The following TXNL1 variants were observed in gnomAD, a reference collection of about 807,000 sequenced individuals.
The protein encoded by TXNL1 is thioredoxin-like protein 1.
In TXNL1, 14 loss-of-function variants were observed where a neutral mutation model predicts 35.5. That is an observed-to-expected ratio of 0.39 (90% CI 0.26 to 0.62). The LOEUF is 0.62. TXNL1 is among the 20% of genes least tolerant of loss of function. The pLI is 0.47. For missense variants in TXNL1, 263 were observed against 349.7 expected (o/e 0.75, Z 1.98); for synonymous variants, 110 against 115.5 (o/e 0.95, Z 0.31).
chr18:56,634,229 A>G (rs535149458), intron 1 of TXNL1, among the ~76,000 whole-genome samples: 1 of 152,322 alleles, frequency 6.6e-6, no homozygotes, highest in Admixed American at 6.5e-5. Context: ...AAATTATTTA[A>G]GGAAAGGCAT....
rs1453544566 is a variant in TXNL1, at chr18:56,598,738, T to C, written c.*4289A>G. On this transcript the variant is annotated 3_prime_UTR_variant, in exon 8 of 8. Transcript: ENST00000217515. Reference sequence around the variant, plus strand: ...GAGAGCAGGATACAGAAGATACTTATCCTTGTTCCAGATACAAAGTAAGGC... The same window carrying C: ...GAGAGCAGGATACAGAAGATACTTACCCTTGTTCCAGATACAAAGTAAGGC... 6.6e-6 allele frequency: 1 copy of C among 152,194 alleles called. No homozygotes were observed. Among genetic ancestry groups the C allele is most frequent in the East Asian group, 1.9e-4 (1 of 5,198 alleles). The allele number at this position is 152,194 out of a possible 1,614,324, so 9.4% of individuals were successfully genotyped here. A position where few individuals can be genotyped will look rare whatever the true frequency, so the allele number is the denominator to read the frequency against.
At chr18:56,618,170 G>T (rs1207825423) in intron 3 of TXNL1, 44 bp from the exon 4 acceptor site, 1 of 1,570,848 alleles carries the variant, frequency 6.4e-7, no homozygotes, top group African/African-American at 1.4e-5. Flanking sequence ...TTTGGATTAG[G>T]TATAAAAATG....
chr18:56,627,896 A>G (rs531214193), intron 1 of TXNL1, among the ~76,000 whole-genome samples: 2 of 152,084 alleles, frequency 1.3e-5, no homozygotes, highest in South Asian at 4.1e-4. Flanking sequence ...ACTATATTTG[A>G]TAAACTGGAA....
intron 1 of TXNL1, among the ~76,000 whole-genome samples, chr18:56,635,130 T>C (rs2024436470): frequency 6.6e-6 from 1 of 152,022 alleles, no homozygotes; most frequent in African/African-American, 2.4e-5. Context: ...TGGTGGTATG[T>C]GTCTGTAGTC....
intron 3 of TXNL1, among the ~76,000 whole-genome samples, chr18:56,622,140 T>C (rs1219947922): frequency 6.6e-6 from 1 of 152,004 alleles, no homozygotes; most frequent in African/African-American, 2.4e-5. Context: ...AAATATTAAG[T>C]TCCTCAGTTG....
intron 6 of TXNL1, among the ~76,000 whole-genome samples, chr18:56,612,551 C>G (rs1040913311): frequency 3.3e-5 from 5 of 152,044 alleles, no homozygotes; most frequent in African/African-American, 4.8e-5. Flanking sequence ...GCACCTATCT[C>G]TTTTTTGAGA....
At chr18:56,616,131 C>CAAAA in intron 5 of TXNL1, 114 bp downstream of exon 5, 7 of 688,628 alleles carry the variant, frequency 1.0e-5, no homozygotes, top group South Asian at 2.1e-5. Context: ...GACTCTGTCT[C>CAAAA]AAAAAAAAAA....
intron 3 of TXNL1, among the ~76,000 whole-genome samples, chr18:56,618,612 C>T (rs1000518408): frequency 1.3e-5 from 2 of 151,664 alleles, no homozygotes; most frequent in South Asian, 4.2e-4. Flanking sequence ...CCTCCAGCTA[C>T]AATAATCATC....
At position 56,626,458 on chromosome 18, in the gene TXNL1, C is replaced by T; in HGVS notation, c.99-1G>A. 6.2e-7 allele frequency: 1 copy of T among 1,601,044 alleles called. No homozygotes were observed. The highest frequency in any genetic ancestry group is 1.1e-5 in the South Asian group (1 of 89,006). ...GGCAATCCTCAAACATGGCCCACACCTGTTAGAAAAGGAAAATTAAGTAAA... is the reference window on the plus strand; with the variant it reads ...GGCAATCCTCAAACATGGCCCACACTTGTTAGAAAAGGAAAATTAAGTAAA... On this transcript the variant is annotated splice_acceptor_variant, in intron 1 of 7. Transcript: ENST00000217515. LOFTEE classifies it high-confidence loss of function.
chr18:56,603,394 ATAGT>A (rs996935959), intron 7 of TXNL1, among the ~76,000 whole-genome samples: 1 of 151,994 alleles, frequency 6.6e-6, no homozygotes, highest in Non-Finnish European at 1.5e-5. Flanking sequence ...CTATTTTTAG[ATAGT>A]TAGAAATCAA....
At chr18:56,628,026 G>A (rs1029373483) in intron 1 of TXNL1, among the ~76,000 whole-genome samples, 3 of 152,096 alleles carry the variant, frequency 2.0e-5, no homozygotes, top group African/African-American at 7.2e-5. Context: ...AAAACAAGGA[G>A]AAGACTGAAA....
At position 56,624,429 on chromosome 18, in the gene TXNL1, T is replaced by C. The variant is rs920985697; in HGVS notation, c.228A>G (p.Thr76=). The C allele has an allele frequency of 9.9e-6, 16 of 1,613,612 alleles. No individual in the cohort carries two copies. Among genetic ancestry groups the C allele is most frequent in the Non-Finnish European group, 1.4e-5 (16 of 1,179,676 alleles). Residue 76 remains threonine, a synonymous_variant, in exon 3 of 8, where the codon ACA becomes ACG. Transcript: ENST00000217515. ...TGTTTCGAAAAAACAAAAATGTAGG[T>C]GTTGCTGATATATTGTTGGTGGCAG... is the stretch of plus-strand genomic sequence containing the variant. ...GTAATNNISA[T]PTFLFFRNKV...
At chr18:56,605,679 C>A (rs536317551) in intron 7 of TXNL1, among the ~76,000 whole-genome samples, 1 of 152,218 alleles carries the variant, frequency 6.6e-6, no homozygotes, top group South Asian at 2.1e-4. Flanking sequence ...CCATTGACAA[C>A]AACAAACAGC....
At position 56,599,987 on chromosome 18, in the gene TXNL1, A is replaced by C. The variant is rs895652147; in HGVS notation, c.*3040T>G. ...ATTGAACTATATGAGTATCAATACA[A>C]GCAACATGAGTAAGCCTTAAATTTC... On this transcript the variant is annotated 3_prime_UTR_variant, in exon 8 of 8. Transcript: ENST00000217515. The C allele has an allele frequency of 2.0e-5, 3 of 152,248 alleles. No individual in the cohort carries two copies. Among genetic ancestry groups the C allele is most frequent in the African/African-American group, 7.2e-5 (3 of 41,460 alleles). 9.4% of individuals were successfully genotyped at this position (152,248 alleles called of 1,614,324 possible). A position where few individuals can be genotyped will look rare whatever the true frequency, so the allele number is the denominator to read the frequency against.
At chr18:56,638,198 A>G (rs2024487684) in intron 1 of TXNL1, 145 bp downstream of exon 1, 1 of 785,298 alleles carries the variant, frequency 1.3e-6, no homozygotes, top group East Asian at 3.1e-5. Context: ...CCGAGAAACG[A>G]GGCCTAATTC....
rs902524994 is a variant in TXNL1, at chr18:56,597,275, A to G, written c.*5752T>C. The stretch of plus-strand genomic sequence containing the variant: ...TCATATTCTCTTACAAAATAGTGCC[A>G]TCCATCTCCAAGTTTTGCCAAGTGT... On this transcript the variant is annotated 3_prime_UTR_variant, in exon 8 of 8. Coordinates refer to ENST00000217515, the MANE Select transcript of TXNL1 (RefSeq NM_004786.3). The G allele has an allele frequency of 1.3e-5, 2 of 152,232 alleles. No homozygotes were observed. The highest frequency in any genetic ancestry group is 4.8e-5 in the African/African-American group (2 of 41,464). 9.4% of individuals were successfully genotyped at this position (152,232 alleles called of 1,614,324 possible).
intron 7 of TXNL1, chr18:56,608,229 G>A (rs1429899513): frequency 6.6e-6 from 1 of 152,090 alleles, no homozygotes; most frequent in Admixed American, 6.6e-5. Context: ...TCTGTACAAG[G>A]ACTAAGCTGG....
At chr18:56,616,474 TGATTA>T (rs1302800024) in intron 4 of TXNL1, among the ~76,000 whole-genome samples, 160 bp from the exon 5 acceptor site, 1 of 152,042 alleles carries the variant, frequency 6.6e-6, no homozygotes, top group Non-Finnish European at 1.5e-5. Context: ...GAGAGTCACT[TGATTA>T]GATAACATCT....
rs2023803850 is a variant in TXNL1, at chr18:56,600,978, A to G, written c.*2049T>C. 6.6e-6 allele frequency: 1 copy of G among 152,224 alleles called. No individual in the cohort carries two copies. The highest frequency in any genetic ancestry group is 2.1e-4 in the South Asian group (1 of 4,834). The allele number at this position is 152,224 out of a possible 1,614,324, so 9.4% of individuals were successfully genotyped here. A position where few individuals can be genotyped will look rare whatever the true frequency, so the allele number is the denominator to read the frequency against. On this transcript the variant is annotated 3_prime_UTR_variant, in exon 8 of 8. Transcript: ENST00000217515. ...AATTCTTTTTTGCTATGTCCGACAAAATGAACAAGAAACTGAATACCAGTT... is the reference window on the plus strand; with the variant it reads ...AATTCTTTTTTGCTATGTCCGACAAGATGAACAAGAAACTGAATACCAGTT...
Sources: gnomAD v4.1 joint callset for allele counts (sites outside exome capture counted in the v4.1 genomes callset) on GRCh38, gnomAD v4.1.1 for gene constraint, MANE v1.5 for transcripts, NCBI Gene and HGNC (gene_info 2026-07-23, HGNC 2026-07-21) for gene names.